MEIKIN: variants seen among roughly 807,000 people sequenced by gnomAD.
The protein encoded by MEIKIN is meiosis-specific kinetochore protein.
intron 9 of MEIKIN, among the ~76,000 whole-genome samples, chr5:131,874,516 C>T (rs1363432878): frequency 3.3e-5 from 5 of 152,110 alleles, no homozygotes; most frequent in African/African-American, 2.4e-5. Flanking sequence ...AGCTTACCAA[C>T]GAAAAAAGTC....
intron 5 of MEIKIN, among the ~76,000 whole-genome samples, chr5:131,927,421 G>C (rs1280413787): frequency 1.3e-5 from 2 of 152,158 alleles, no homozygotes; most frequent in Non-Finnish European, 2.9e-5. Context: ...CTGTGCATGA[G>C]AGAAATATAT....
intron 3 of MEIKIN, among the ~76,000 whole-genome samples, chr5:131,943,619 C>T (rs1438124751): frequency 6.6e-6 from 1 of 151,958 alleles, no homozygotes; most frequent in African/African-American, 2.4e-5. Flanking sequence ...GACAACTGGT[C>T]ATTTTTTTTA....
At chr5:131,871,129 CTGGGGTG>C (rs1279098424) in intron 9 of MEIKIN, among the ~76,000 whole-genome samples, 1 of 152,214 alleles carries the variant, frequency 6.6e-6, no homozygotes, top group African/African-American at 2.4e-5. Flanking sequence ...GTTCATCTCA[CTGGGGTG>C]TGCCAGATAG....
rs983257178 is a variant in MEIKIN, at chr5:131,890,349, A to C, written c.704-11301T>G. On this transcript the variant is annotated intron_variant, in intron 8 of 12. Coordinates refer to ENST00000442687, the MANE Select transcript of MEIKIN (RefSeq NM_001303622.2). Reference sequence around the variant, plus strand: ...TGGTCCTGGACTTTTTTTGGTTGGTAAGCTATTAATTATTGCCTCAATTTC... The same window carrying C: ...TGGTCCTGGACTTTTTTTGGTTGGTCAGCTATTAATTATTGCCTCAATTTC... 3.9e-5 allele frequency among the ~76,000 whole-genome samples: 6 copies of C among 152,220 alleles called. No homozygotes were observed. In the South Asian group the frequency reaches 1.2e-3, roughly 32 times the overall value.
chr5:131,874,158 A>G (rs1561740448), intron 9 of MEIKIN, among the ~76,000 whole-genome samples: 1 of 152,248 alleles, frequency 6.6e-6, no homozygotes, highest in Non-Finnish European at 1.5e-5. Context: ...GCAGAACTGA[A>G]GGAAATAGAG....
chr5:131,936,523 T>C (rs1386117022), intron 4 of MEIKIN, among the ~76,000 whole-genome samples: 1 of 152,238 alleles, frequency 6.6e-6, no homozygotes, highest in Non-Finnish European at 1.5e-5. Flanking sequence ...TTGAGCTATT[T>C]ATTACCTAAT....
At chr5:131,893,290 G>A (rs972126135) in intron 8 of MEIKIN, among the ~76,000 whole-genome samples, 2 of 152,196 alleles carry the variant, frequency 1.3e-5, no homozygotes, top group African/African-American at 4.8e-5. Flanking sequence ...CTTGGGAATG[G>A]TGGGCGCCCC....
At chr5:131,896,144 C>T (rs1751046423) in intron 8 of MEIKIN, among the ~76,000 whole-genome samples, 1 of 152,104 alleles carries the variant, frequency 6.6e-6, no homozygotes, top group African/African-American at 2.4e-5. Context: ...TCGTTATTTA[C>T]CCAGTAGTCA....
intron 11 of MEIKIN, among the ~76,000 whole-genome samples, chr5:131,836,321 A>G (rs1340608011): frequency 1.3e-5 from 2 of 152,144 alleles, no homozygotes; most frequent in African/African-American, 4.8e-5. Context: ...GGTTGACTCC[A>G]TGTCCCTGCT....
intron 9 of MEIKIN, among the ~76,000 whole-genome samples, chr5:131,876,662 T>C (rs1400353562): frequency 6.4e-4 from 93 of 144,458 alleles, no homozygotes; most frequent in South Asian, 1.1e-3. Context: ...ACCCAAAGGA[T>C]TATAAATCAT....
chr5:131,807,840 G>A (rs187277912), intron 12 of MEIKIN, among the ~76,000 whole-genome samples: 25 of 152,262 alleles, frequency 1.6e-4, no homozygotes, highest in African/African-American at 4.1e-4. Flanking sequence ...CAAATCAGCC[G>A]ATATCAATGG....
At chr5:131,926,047 C>T (rs533490442) in intron 5 of MEIKIN, among the ~76,000 whole-genome samples, 11 of 152,164 alleles carry the variant, frequency 7.2e-5, no homozygotes, top group East Asian at 1.9e-4. Context: ...TCAATTTAGA[C>T]GCTTTTATTT....
chr5:131,867,214 ATT>A (rs1358427710), intron 9 of MEIKIN, among the ~76,000 whole-genome samples: 1 of 152,162 alleles, frequency 6.6e-6, no homozygotes, highest in Non-Finnish European at 1.5e-5. Flanking sequence ...AATGAATTTT[ATT>A]TTTTAGGTCA....
At chr5:131,943,131 A>C (rs900353941) in intron 3 of MEIKIN, among the ~76,000 whole-genome samples, 2 of 152,166 alleles carry the variant, frequency 1.3e-5, no homozygotes, top group African/African-American at 4.8e-5. Flanking sequence ...ATGTATGTAC[A>C]AAAGTATAGC....
At position 131,874,373 on chromosome 5, in the gene MEIKIN, C is replaced by G. The variant is rs373976905; in HGVS notation, c.774+4605G>C. On this transcript the variant is annotated intron_variant, in intron 9 of 12. Coordinates refer to ENST00000442687, the MANE Select transcript of MEIKIN (RefSeq NM_001303622.2). ...TCAGAGAATACTATAAACACCTCTACGCAAATAAACTAGAAAATCTAGAAG... is the reference window on the plus strand; with the variant it reads ...TCAGAGAATACTATAAACACCTCTAGGCAAATAAACTAGAAAATCTAGAAG... Among the ~76,000 whole-genome samples the G allele has an allele frequency of 2.0e-5, 3 of 152,272 alleles. No individual in the cohort carries two copies. In the South Asian group the frequency reaches 6.2e-4, roughly 32 times the overall value.
At chr5:131,931,581 G>T (rs1168721666) in intron 5 of MEIKIN, among the ~76,000 whole-genome samples, 1 of 152,194 alleles carries the variant, frequency 6.6e-6, no homozygotes, top group Non-Finnish European at 1.5e-5. Context: ...GCTGAAAACT[G>T]TGGTATGGGT....
intron 5 of MEIKIN, among the ~76,000 whole-genome samples, chr5:131,923,361 C>T (rs1050780133): frequency 6.6e-6 from 1 of 151,970 alleles, no homozygotes; most frequent in Non-Finnish European, 1.5e-5. Context: ...ATTTATAGCT[C>T]GAAAAATGTT....
intron 12 of MEIKIN, among the ~76,000 whole-genome samples, chr5:131,812,643 TA>T (rs1438998410): frequency 6.6e-6 from 1 of 151,868 alleles, no homozygotes; most frequent in Non-Finnish European, 1.5e-5. Context: ...CTGAGTGACC[TA>T]AAAAGCTGCT....
At chr5:131,909,884 C>G (rs905390643) in intron 8 of MEIKIN, among the ~76,000 whole-genome samples, 1 of 152,146 alleles carries the variant, frequency 6.6e-6, no homozygotes, top group Non-Finnish European at 1.5e-5. Context: ...CATCTTACCC[C>G]AGTTAAAATG....
Sources: allele counts gnomAD v4.1 joint callset (sites outside exome capture counted in the v4.1 genomes callset), GRCh38; gene constraint gnomAD v4.1.1; transcripts MANE v1.5; gene names NCBI Gene and HGNC (gene_info 2026-07-23, HGNC 2026-07-21).